TMEM144: variants seen among roughly 807,000 people sequenced by gnomAD.
TMEM144 encodes transmembrane protein 144.
TMEM144 carries 39 observed loss-of-function variants against 43.6 expected under a neutral mutation model. That is an observed-to-expected ratio of 0.90 (90% CI 0.69 to 1.17). The LOEUF is 1.17. TMEM144 is among the 50% of genes most tolerant of loss of function. The probability of loss-of-function intolerance (pLI) is 0.00; values close to 1 mark genes in which losing one functional copy is unlikely to be tolerated. For missense variants in TMEM144, 417 were observed against 411.9 expected, an observed-to-expected ratio of 1.01 and a Z score of -0.11; for synonymous variants, 154 against 133.6, an observed-to-expected ratio of 1.15 and a Z score of -1.06.
At chr4:158,252,978 G>C in intron 12 of TMEM144, among the ~76,000 whole-genome samples, 1 of 152,044 alleles carries the variant, frequency 6.6e-6, no homozygotes, top group East Asian at 1.9e-4. Context: ...CAACAGGACT[G>C]TGCACATAAA....
At chr4:158,215,552 A>T (rs945151080) in intron 4 of TMEM144, among the ~76,000 whole-genome samples, 32 of 152,188 alleles carry the variant, frequency 2.1e-4, no homozygotes, top group African/African-American at 7.5e-4. Context: ...GTAGAAAATT[A>T]TTATAGTAAA....
Position 158,253,473 on chromosome 4 carries a change from T to C in TMEM144, c.984T>C (p.Leu328=). ...TACAAAACTACCTATTAATGATACTTGCATTTTGCATCATCTTGACTGGAG... is the reference window on the plus strand; with the variant it reads ...TACAAAACTACCTATTAATGATACTCGCATTTTGCATCATCTTGACTGGAG... ...KGLQNYLLMI[L]AFCIILTGAL... is the part of the protein sequence containing the mutation. Residue 328 remains leucine (L), a synonymous_variant, in exon 13 of 13, where the codon CTT becomes CTC. Transcript: ENST00000296529. 1.9e-6 allele frequency: 3 copies of C among 1,613,800 alleles called. No individual in the cohort carries two copies. Among genetic ancestry groups the C allele is most frequent in the Non-Finnish European group, 2.5e-6 (3 of 1,179,870 alleles).
At chr4:158,233,556 C>T (rs1331063546) in intron 7 of TMEM144, 1 of 152,258 alleles carries the variant, frequency 6.6e-6, no homozygotes, top group Non-Finnish European at 1.5e-5. Context: ...GTGTCAGTAG[C>T]TACATATACA....
intron 6 of TMEM144, among the ~76,000 whole-genome samples, chr4:158,225,836 T>C (rs1247778803): frequency 2.0e-5 from 3 of 152,236 alleles, no homozygotes. Flanking sequence ...ACGAAGTGAA[T>C]TTAGTGTTGG....
chr4:158,253,198 A>G (rs1472706897), intron 12 of TMEM144, among the ~76,000 whole-genome samples: 1 of 152,188 alleles, frequency 6.6e-6, no homozygotes, highest in Non-Finnish European at 1.5e-5. Context: ...TGTCTCCCAT[A>G]TTATATGATT....
At chr4:158,233,491 T>C (rs1735191264) in intron 7 of TMEM144, 1 of 152,234 alleles carries the variant, frequency 6.6e-6, no homozygotes, top group Non-Finnish European at 1.5e-5. Flanking sequence ...CAGTCTGGAA[T>C]AGTAAATCTG....
chr4:158,218,071 T>C (rs1030480972), intron 5 of TMEM144, among the ~76,000 whole-genome samples: 4 of 152,152 alleles, frequency 2.6e-5, no homozygotes. Flanking sequence ...CGAGAAAAAG[T>C]TTGCCAGTCC....
In TMEM144 at chr4:158,212,605, C is replaced by T. The variant is rs1018214882; in HGVS notation, c.-60-3C>T. The T allele has an allele frequency of 3.4e-6, 4 of 1,191,504 alleles. No homozygotes were observed. In the South Asian group the frequency reaches 4.5e-5, roughly 13 times the overall value. 73.8% of individuals were successfully genotyped at this position (1,191,504 alleles called of 1,614,324 possible). A position where few individuals can be genotyped will look rare whatever the true frequency, so the allele number is the denominator to read the frequency against. The stretch of plus-strand genomic sequence containing the variant: ...AATTGTTTCATTTTTTCTTTTATTT[C>T]AGAAGCTCCTGAAAAGTACATCAAG... On this transcript the variant is annotated splice_polypyrimidine_tract_variant and splice_region_variant and intron_variant, in intron 2 of 12. Transcript: ENST00000296529.
In TMEM144 at chr4:158,235,501, A is replaced by G; in HGVS notation, c.559A>G (p.Ile187Val). The G allele has an allele frequency of 6.2e-7, 1 of 1,613,436 alleles. No individual in the cohort carries two copies. Among genetic ancestry groups the G allele is most frequent in the South Asian group, 1.1e-5 (1 of 90,942 alleles). ...VDKLSTVHHR[I>V]VGCSLAVISG... The stretch of plus-strand genomic sequence containing the variant: ...TAAACTTTCTACAGTACACCACCGC[A>G]TAGTGTAAGGAGAGGTTACTTCTTT... The change falls in exon 8 of 13, where the codon ATA becomes GTA. Residue 187 changes from isoleucine to valine, a missense_variant. By Grantham distance (29) the Ile-to-Val change is conservative (BLOSUM62 3). Coordinates refer to ENST00000296529, the MANE Select transcript of TMEM144 (RefSeq NM_018342.5).
intron 6 of TMEM144, among the ~76,000 whole-genome samples, chr4:158,224,195 T>C (rs1302723333): frequency 7.9e-5 from 12 of 152,214 alleles, no homozygotes; most frequent in Admixed American, 6.5e-4. Context: ...TTGTTGGTCA[T>C]GCAAATGTCT....
intron 9 of TMEM144, among the ~76,000 whole-genome samples, chr4:158,239,680 G>A (rs1451948242): frequency 6.6e-6 from 1 of 152,002 alleles, no homozygotes; most frequent in Non-Finnish European, 1.5e-5. Context: ...AGGCCTGAGT[G>A]CCTATTTTTA....
At chr4:158,240,542 G>A in intron 10 of TMEM144, 124 bp downstream of exon 10, 2 of 580,850 alleles carry the variant, frequency 3.4e-6, no homozygotes, top group Non-Finnish European at 5.1e-6. Flanking sequence ...TGTGTGTGTT[G>A]TGTGTGTGTG....
Position 158,215,212 on chromosome 4 carries a change from T to C in TMEM144, c.131T>C (p.Leu44Pro). ...TGDGMFLQWV[L>P]CAAIWLVALV... The stretch of plus-strand genomic sequence containing the variant: ...CTAGGAATGTTTCTCCAGTGGGTTC[T>C]TTGTGCTGCCATATGGTTGGTTGCC... The change falls in exon 4 of 13, where the codon CTT (leucine) becomes CCT (proline). Residue 44 changes from leucine to proline, a missense_variant. Coordinates refer to ENST00000296529, the MANE Select transcript of TMEM144 (RefSeq NM_018342.5). 6.2e-7 allele frequency: 1 copy of C among 1,613,868 alleles called. No homozygotes were observed.
chr4:158,251,702 T>G (rs1736213018), intron 12 of TMEM144, among the ~76,000 whole-genome samples: 1 of 152,208 alleles, frequency 6.6e-6, no homozygotes, highest in African/African-American at 2.4e-5. Flanking sequence ...CACCCATATT[T>G]GGTGTAAAAA....
At position 158,232,922 on chromosome 4, in the gene TMEM144, C is replaced by T. The variant is rs774413337; in HGVS notation, c.435C>T (p.Ile145=). The change falls in exon 7 of 13, where the codon ATC becomes ATT. Residue 145 remains isoleucine (I), a synonymous_variant. Transcript: ENST00000296529. ...SVVSAFIFLF[I]KSEIPNNTCS... ...ACAGTGCTTTCATATTTTTGTTCATCAAAAGTGAAATACCAAATAACACGT... is the reference window on the plus strand; with the variant it reads ...ACAGTGCTTTCATATTTTTGTTCATTAAAAGTGAAATACCAAATAACACGT... The T allele has an allele frequency of 8.1e-6, 13 of 1,610,684 alleles. No individual in the cohort carries two copies. The highest frequency in any genetic ancestry group is 1.0e-5 in the Non-Finnish European group (12 of 1,178,486).
chr4:158,215,234 T>A lies in TMEM144; in HGVS notation c.153T>A (p.Val51=). ...TTCTTTGTGCTGCCATATGGTTGGT[T>A]GCCTTGGTTGTCAATCTGATATTAC... ...QWVLCAAIWL[V]ALVVNLILHC... is the part of the protein sequence containing the mutation. Residue 51 remains valine, a synonymous_variant, in exon 4 of 13, where the codon GTT becomes GTA. Coordinates refer to ENST00000296529, the MANE Select transcript of TMEM144 (RefSeq NM_018342.5). 1 of 1,613,930 alleles carries A rather than the reference T, an allele frequency of 6.2e-7. No individual in the cohort carries two copies.
chr4:158,215,287 T>C lies in TMEM144; in HGVS notation c.206T>C (p.Met69Thr). 3.1e-6 allele frequency: 5 copies of C among 1,613,854 alleles called. No homozygotes were observed. The highest frequency in any genetic ancestry group is 4.2e-6 in the Non-Finnish European group (5 of 1,179,794). Residue 69 changes from methionine to threonine, a missense_variant, in exon 4 of 13, where the codon ATG (methionine) becomes ACG (threonine). Transcript: ENST00000296529. The stretch of plus-strand genomic sequence containing the variant: ...TGTCCAAAGTTTTGGCCTTTTGCAA[T>C]GCTTGGGGGCTGCATTTGGGCAACA... ...LHCPKFWPFA[M>T]LGGCIWATGN...
chr4:158,253,561 A>T lies in TMEM144; in HGVS notation c.*34A>T, dbSNP rs771391046. Reference sequence around the variant, plus strand: ...AAACCAGCAGGTGGCAGCAGTAGTTAAGAGAACGCGTCTATCGGACAGCGG... The same window carrying T: ...AAACCAGCAGGTGGCAGCAGTAGTTTAGAGAACGCGTCTATCGGACAGCGG... On this transcript the variant is annotated 3_prime_UTR_variant, in exon 13 of 13. Coordinates refer to ENST00000296529, the MANE Select transcript of TMEM144 (RefSeq NM_018342.5). 71 of 1,542,200 alleles carry T rather than the reference A, an allele frequency of 4.6e-5. No individual in the cohort carries two copies. The highest frequency in any genetic ancestry group is 6.1e-5 in the Non-Finnish European group (68 of 1,116,702).
intron 6 of TMEM144, among the ~76,000 whole-genome samples, chr4:158,224,520 C>A (rs933836213): frequency 7.2e-5 from 11 of 152,116 alleles, no homozygotes; most frequent in Non-Finnish European, 1.3e-4. Flanking sequence ...GGGCTACATA[C>A]CTTGTATAGA....
Sources: allele counts gnomAD v4.1 joint callset (sites outside exome capture counted in the v4.1 genomes callset), GRCh38; gene constraint gnomAD v4.1.1; transcripts MANE v1.5; gene names NCBI Gene and HGNC (gene_info 2026-07-23, HGNC 2026-07-21).